The following TBXAS1 variants were observed in gnomAD, a reference collection of about 807,000 sequenced individuals.
TBXAS1 encodes the protein thromboxane A synthase 1.
In TBXAS1, 48 loss-of-function variants were observed where a neutral mutation model predicts 60.7. That is an observed-to-expected ratio of 0.79 (90% confidence interval 0.63 to 1.01). The LOEUF (loss-of-function observed/expected upper bound fraction) is 1.01, where lower values mean the gene tolerates loss of function less well. TBXAS1 is among the 50% of genes least tolerant of loss of function. TBXAS1 has a pLI of 0.00. For synonymous variants in TBXAS1, 287 were observed against 269.7 expected (o/e 1.06, Z -0.63); for missense variants, 685 against 686.3 (o/e 1.00, Z 0.02).
At chr7:139,986,797 G>GTATATATA (rs1277647934) in intron 9 of TBXAS1, among the ~76,000 whole-genome samples, 2 of 40,274 alleles carry the variant, frequency 5.0e-5, no homozygotes, top group African/African-American at 1.8e-4. Flanking sequence ...GTGTGTGTGT[G>GTATATATA]TGTATATATA....
At chr7:139,971,309 G>A (rs1190624078) in intron 9 of TBXAS1, among the ~76,000 whole-genome samples, 1 of 152,162 alleles carries the variant, frequency 6.6e-6, no homozygotes, top group African/African-American at 2.4e-5. Flanking sequence ...CCCTATCTTG[G>A]AAGTTAAGTT....
intron 9 of TBXAS1, among the ~76,000 whole-genome samples, chr7:140,005,575 G>A (rs1201596827): frequency 6.6e-6 from 1 of 152,202 alleles, no homozygotes; most frequent in East Asian, 1.9e-4. Flanking sequence ...GGAAGTGTGG[G>A]GTTGGGTGAT....
intron 1 of TBXAS1, among the ~76,000 whole-genome samples, chr7:139,864,372 CAG>C (rs1801197018): frequency 6.6e-6 from 1 of 151,676 alleles, no homozygotes; most frequent in African/African-American, 2.4e-5. Flanking sequence ...ATAAAATCAA[CAG>C]AGAGATACAA....
intron 3 of TBXAS1, among the ~76,000 whole-genome samples, chr7:139,785,499 A>G (rs1307251075): frequency 1.3e-5 from 2 of 150,790 alleles, no homozygotes; most frequent in Admixed American, 6.6e-5. Flanking sequence ...TTTTTGTGTG[A>G]TAGCTTTTCA....
chr7:139,942,148 T>C (rs371227824), intron 5 of TBXAS1, among the ~76,000 whole-genome samples: 2 of 152,202 alleles, frequency 1.3e-5, no homozygotes, highest in Admixed American at 6.5e-5. Flanking sequence ...ACTGTACTTA[T>C]ATGATGATGA....
At chr7:139,965,623 C>T (rs570233232) in intron 9 of TBXAS1, among the ~76,000 whole-genome samples, 5 of 152,104 alleles carry the variant, frequency 3.3e-5, no homozygotes, top group African/African-American at 1.2e-4. Flanking sequence ...CTCAAGGGCT[C>T]GGATCCCTCT....
intron 4 of TBXAS1, among the ~76,000 whole-genome samples, chr7:139,802,920 A>T (rs2116363506): frequency 6.6e-6 from 1 of 152,342 alleles, no homozygotes; most frequent in East Asian, 1.9e-4. Context: ...CATGATTGTG[A>T]TGCCTCCCCA....
intron 9 of TBXAS1, among the ~76,000 whole-genome samples, chr7:139,977,288 G>T (rs1811632648): frequency 6.6e-6 from 1 of 152,210 alleles, no homozygotes; most frequent in African/African-American, 2.4e-5. Context: ...AAGGCAAAGA[G>T]GAGCAAGTCA....
intron 1 of TBXAS1, among the ~76,000 whole-genome samples, chr7:139,857,660 C>T (rs2116694794): frequency 6.6e-6 from 1 of 152,084 alleles, no homozygotes; most frequent in Admixed American, 6.5e-5. Context: ...CTCACTGGGA[C>T]AGAAGGGCAA....
intron 3 of TBXAS1, among the ~76,000 whole-genome samples, chr7:139,888,461 C>T (rs1803285707): frequency 6.6e-6 from 1 of 152,166 alleles, no homozygotes; most frequent in South Asian, 2.1e-4. Context: ...TTGTCAAAAT[C>T]CTGTTCTTGC....
chr7:139,825,373 TCA>T (rs1798410490), upstream of TBXAS1, among the ~76,000 whole-genome samples: 1 of 152,140 alleles, frequency 6.6e-6, no homozygotes, highest in Non-Finnish European at 1.5e-5. Flanking sequence ...TGTCCACAAT[TCA>T]CAGAGTATTG....
chr7:139,931,013 A>G (rs146459232), intron 4 of TBXAS1, among the ~76,000 whole-genome samples: 1 of 152,218 alleles, frequency 6.6e-6, no homozygotes, highest in African/African-American at 2.4e-5. Flanking sequence ...GATCTACAGT[A>G]AGAAACACAT....
intron 9 of TBXAS1, among the ~76,000 whole-genome samples, chr7:139,965,757 G>C (rs972362021): frequency 6.6e-5 from 10 of 152,136 alleles, no homozygotes; most frequent in Admixed American, 5.2e-4. Context: ...ATCTACAGCT[G>C]TCTTTTTAAA....
chr7:139,979,219 A>T (rs1811788135), intron 9 of TBXAS1, among the ~76,000 whole-genome samples: 1 of 152,138 alleles, frequency 6.6e-6, no homozygotes, highest in Non-Finnish European at 1.5e-5. Context: ...GGTGATGAGA[A>T]GTTCCCAAAG....
At chr7:139,850,693 T>C (rs1389698450) in intron 1 of TBXAS1, among the ~76,000 whole-genome samples, 1 of 152,208 alleles carries the variant, frequency 6.6e-6, no homozygotes, top group Non-Finnish European at 1.5e-5. Flanking sequence ...CCTAATCCAG[T>C]GACTGGCATC....
chr7:139,920,041 C>G (rs2117097105), intron 4 of TBXAS1, among the ~76,000 whole-genome samples: 1 of 152,288 alleles, frequency 6.6e-6, no homozygotes, highest in South Asian at 2.1e-4. Flanking sequence ...CTTGTACAGC[C>G]CTAAACATAA....
chr7:139,820,463 C>T (rs1798267280), intron 4 of TBXAS1, among the ~76,000 whole-genome samples: 1 of 152,208 alleles, frequency 6.6e-6, no homozygotes, highest in Non-Finnish European at 1.5e-5. Flanking sequence ...TGAATGGTGG[C>T]ATTGCTTCAA....
chr7:139,990,926 G>C (rs762682998), intron 9 of TBXAS1, among the ~76,000 whole-genome samples: 4 of 152,124 alleles, frequency 2.6e-5, no homozygotes, highest in African/African-American at 9.7e-5. Flanking sequence ...GCCTCCCGAC[G>C]GTGCAGGCAC....
At chr7:139,964,696 G>A (rs1029220292) in intron 9 of TBXAS1, among the ~76,000 whole-genome samples, 1 of 152,224 alleles carries the variant, frequency 6.6e-6, no homozygotes, top group African/African-American at 2.4e-5. Flanking sequence ...TAGAAGTCAG[G>A]TCCTCATCTT....
Sources: allele counts gnomAD v4.1 joint callset (sites outside exome capture counted in the v4.1 genomes callset), GRCh38; gene constraint gnomAD v4.1.1; transcripts MANE v1.5; gene names NCBI Gene and HGNC (gene_info 2026-07-23, HGNC 2026-07-21).